The following ADAM22 variants were observed in gnomAD, a reference collection of about 807,000 sequenced individuals.
ADAM22 encodes disintegrin and metalloproteinase domain-containing protein 22.
Under a neutral mutation model 144.6 loss-of-function variants are expected in ADAM22, and 65 were observed. That is an observed-to-expected ratio of 0.45 (90% confidence interval 0.37 to 0.55). ADAM22 has a LOEUF of 0.55. Among genes scored for constraint, ADAM22 ranks in the 20% least tolerant of loss-of-function variants. ADAM22 has a pLI of 0.00. For synonymous variants in ADAM22, 391 were observed against 412.6 expected (o/e 0.95, Z 0.63); for missense variants, 974 against 1,184.9 (o/e 0.82, Z 2.61).
intron 3 of ADAM22, among the ~76,000 whole-genome samples, chr7:88,014,526 T>A (rs897329819): frequency 2.6e-5 from 4 of 152,142 alleles, no homozygotes; most frequent in African/African-American, 9.7e-5. Context: ...GTAGAGCACC[T>A]GAGGTCAGGA....
At chr7:88,083,449 TG>T (rs1312131108) in intron 4 of ADAM22, among the ~76,000 whole-genome samples, 1 of 151,888 alleles carries the variant, frequency 6.6e-6, no homozygotes, top group Non-Finnish European at 1.5e-5. Flanking sequence ...GTAACAAACC[TG>T]CACGTTGTTC....
At chr7:87,998,942 A>G (rs891118372) in intron 3 of ADAM22, among the ~76,000 whole-genome samples, 3 of 152,190 alleles carry the variant, frequency 2.0e-5, no homozygotes, top group African/African-American at 7.2e-5. Flanking sequence ...TGCTGGGAGC[A>G]TTGTGTAATA....
rs747585336 is a variant in ADAM22, at chr7:88,003,617, A to G, written c.323+25205A>G. Among the ~76,000 whole-genome samples, 12 of 152,352 alleles carry G rather than the reference A, an allele frequency of 7.9e-5. No individual in the cohort carries two copies. The South Asian group carries it at 1.0e-3, about 13-fold the overall frequency. On this transcript the variant is annotated intron_variant, in intron 3 of 31. Coordinates refer to ENST00000413139, the MANE Select transcript of ADAM22 (RefSeq NM_001324418.2). ...TTAGCTATTTCAAATTTGGGAAGCA[A>G]AGAGAAGACAGATTTCAATCTCCAA...
chr7:88,026,410 G>C (rs1389301123), intron 3 of ADAM22, among the ~76,000 whole-genome samples: 2 of 152,074 alleles, frequency 1.3e-5, no homozygotes, highest in Non-Finnish European at 2.9e-5. Context: ...AGGACTGAAG[G>C]GGCGGTGCTA....
chr7:88,174,285 A>C (rs1380850712), intron 26 of ADAM22, among the ~76,000 whole-genome samples: 5 of 152,136 alleles, frequency 3.3e-5, no homozygotes, highest in Non-Finnish European at 1.5e-5. Flanking sequence ...TTTTGTTCAC[A>C]AACTTTGTAA....
intron 3 of ADAM22, among the ~76,000 whole-genome samples, chr7:88,039,986 T>TCATCACAGTTCAACC (rs1488138005): frequency 6.6e-6 from 1 of 151,946 alleles, no homozygotes; most frequent in Non-Finnish European, 1.5e-5. Context: ...ACTCTCCCAC[T>TCATCACAGTTCAACC]CATCACAGTT....
intron 5 of ADAM22, among the ~76,000 whole-genome samples, chr7:88,112,285 G>A (rs1018961643): frequency 1.1e-4 from 17 of 152,196 alleles, no homozygotes; most frequent in African/African-American, 4.1e-4. Flanking sequence ...CATTCTGTGA[G>A]TATATAGAAG....
intron 17 of ADAM22, 27 bp downstream of exon 17, chr7:88,145,534 C>T: frequency 6.4e-7 from 1 of 1,562,524 alleles, no homozygotes; most frequent in Non-Finnish European, 8.8e-7. Context: ...GACCATTTGA[C>T]AGAAAAAAAG....
chr7:88,039,374 G>A (rs964057980), intron 3 of ADAM22, among the ~76,000 whole-genome samples: 4 of 146,986 alleles, frequency 2.7e-5, no homozygotes, highest in Admixed American at 1.4e-4. Context: ...ACCGGGAGGC[G>A]GCGGTTGCAG....
intron 14 of ADAM22, among the ~76,000 whole-genome samples, chr7:88,139,155 C>T (rs936476084): frequency 8.5e-5 from 13 of 152,326 alleles, no homozygotes; most frequent in Middle Eastern, 3.4e-3. Flanking sequence ...TGGTGGCTCA[C>T]GCCTGTAATC....
chr7:88,126,284 C>G (rs1438603744), intron 8 of ADAM22, among the ~76,000 whole-genome samples: 2 of 151,922 alleles, frequency 1.3e-5, no homozygotes, highest in African/African-American at 4.8e-5. Context: ...AGCTGGTAAA[C>G]AGTTTAGACA....
chr7:88,049,152 C>T (rs1805493976), intron 3 of ADAM22, among the ~76,000 whole-genome samples: 1 of 152,164 alleles, frequency 6.6e-6, no homozygotes, highest in South Asian at 2.1e-4. Context: ...CAGAAGAGGC[C>T]TCCACCTGAG....
intron 4 of ADAM22, among the ~76,000 whole-genome samples, chr7:88,080,350 T>C (rs1310893567): frequency 6.6e-6 from 1 of 151,688 alleles, no homozygotes; most frequent in East Asian, 1.9e-4. Context: ...CAAAGCAGTG[T>C]GTAGAGGGAA....
At chr7:88,086,290 G>A (rs921241083) in intron 4 of ADAM22, among the ~76,000 whole-genome samples, 2 of 152,130 alleles carry the variant, frequency 1.3e-5, no homozygotes, top group Non-Finnish European at 2.9e-5. Context: ...CCTACAATCT[G>A]GATTTTGATG....
intron 27 of ADAM22, 164 bp from the exon 28 acceptor site, chr7:88,181,338 CCTT>C (rs1846963394): frequency 1.7e-6 from 1 of 604,058 alleles, no homozygotes; most frequent in East Asian, 2.8e-5. Context: ...TGTAATTCTG[CCTT>C]CTTCATGAAG....
At chr7:88,108,369 A>G (rs1825020316) in intron 5 of ADAM22, 111 bp downstream of exon 5, 3 of 823,926 alleles carry the variant, frequency 3.6e-6, no homozygotes, top group South Asian at 3.7e-5. Flanking sequence ...ATGACTTTAA[A>G]TTGGTGATGG....
At chr7:88,065,897 A>G (rs983736842) in intron 3 of ADAM22, among the ~76,000 whole-genome samples, 1 of 152,170 alleles carries the variant, frequency 6.6e-6, no homozygotes, top group Non-Finnish European at 1.5e-5. Context: ...AAAATTCTAC[A>G]AAACTCTATG....
At chr7:88,088,869 A>C (rs1247478611) in intron 4 of ADAM22, among the ~76,000 whole-genome samples, 1 of 152,200 alleles carries the variant, frequency 6.6e-6, no homozygotes, top group African/African-American at 2.4e-5. Flanking sequence ...TTGTAAGTGA[A>C]ATATATTCTC....
chr7:87,935,010 C>T lies in ADAM22; in HGVS notation c.86-16C>T, dbSNP rs752718113. Reference sequence around the variant, plus strand: ...CTTTTCTCTCCACTCCCTCCTTTCCCGGTTCCTGCCTGGAGGAGACGCCTC... The same window carrying T: ...CTTTTCTCTCCACTCCCTCCTTTCCTGGTTCCTGCCTGGAGGAGACGCCTC... On this transcript the variant is annotated splice_polypyrimidine_tract_variant and intron_variant, in intron 1 of 31. Transcript: ENST00000413139. 6.2e-7 allele frequency: 1 copy of T among 1,614,082 alleles called. No individual in the cohort carries two copies. The highest frequency in any genetic ancestry group is 1.1e-5 in the South Asian group (1 of 91,078).
Sources: gnomAD v4.1 joint callset for allele counts (sites outside exome capture counted in the v4.1 genomes callset) on GRCh38, gnomAD v4.1.1 for gene constraint, MANE v1.5 for transcripts, NCBI Gene and HGNC (gene_info 2026-07-23, HGNC 2026-07-21) for gene names.